Variants in LIPA observed in about 807,000 individuals in gnomAD.
LIPA encodes lysosomal acid lipase/cholesteryl ester hydrolase.
In LIPA, 26 loss-of-function variants were observed where a neutral mutation model predicts 40.6. The ratio of observed to expected loss-of-function variants is 0.64; its 90% CI spans 0.47 to 0.89. The LOEUF is 0.89. LIPA is among the 40% of genes least tolerant of loss of function. The pLI is 0.00. For synonymous variants in LIPA, 188 were observed against 168.4 expected (o/e 1.12, Z -0.90); for missense variants, 455 against 479.6 (o/e 0.95, Z 0.48).
At chr10:89,404,212 C>G (rs918566669) in intron 2 of LIPA, 1 of 152,520 alleles carries the variant, frequency 6.6e-6, no homozygotes, top group African/African-American at 2.4e-5. Context: ...AAACAAAGAA[C>G]AGAAGACTCA....
intron 1 of LIPA, among the ~76,000 whole-genome samples, chr10:89,293,146 A>T (rs1843385846): frequency 2.0e-5 from 3 of 152,134 alleles, no homozygotes. Context: ...GTGAGTTTTC[A>T]TGAGAGCTGA....
intron 2 of LIPA, chr10:89,403,602 C>T: frequency 6.2e-7 from 1 of 1,614,024 alleles, no homozygotes; most frequent in Non-Finnish European, 8.5e-7. Flanking sequence ...CTTGAGCCTC[C>T]TTGGGTTCGT....
chr10:89,407,687 A>G (rs1841434550), intron 2 of LIPA, among the ~76,000 whole-genome samples: 1 of 152,178 alleles, frequency 6.6e-6, no homozygotes, highest in South Asian at 2.1e-4. Flanking sequence ...ACATCTTTAT[A>G]GGACACAGGT....
At chr10:89,259,739 T>C (rs938116131) in intron 1 of LIPA, among the ~76,000 whole-genome samples, 1 of 152,214 alleles carries the variant, frequency 6.6e-6, no homozygotes, top group African/African-American at 2.4e-5. Flanking sequence ...CACAGCAACA[T>C]GAATGACTCT....
chr10:89,312,986 A>G (rs1055586047), intron 1 of LIPA, among the ~76,000 whole-genome samples: 1 of 152,036 alleles, frequency 6.6e-6, no homozygotes, highest in Non-Finnish European at 1.5e-5. Context: ...CATACCTAGA[A>G]TACACTCTAG....
chr10:89,245,821 G>T, intron 2 of LIPA, 28 bp from the exon 3 acceptor site: 1 of 1,126,452 alleles, frequency 8.9e-7, no homozygotes, highest in Non-Finnish European at 1.4e-6. Flanking sequence ...GATGGAAATT[G>T]GGTGGACAGA....
At chr10:89,222,068 A>T (rs1842705838) in intron 8 of LIPA, among the ~76,000 whole-genome samples, 1 of 152,178 alleles carries the variant, frequency 6.6e-6, no homozygotes, top group Non-Finnish European at 1.5e-5. Context: ...TTCCAAGCAT[A>T]TTGTGATCAG....
intron 1 of LIPA, among the ~76,000 whole-genome samples, chr10:89,331,243 G>T (rs1843646668): frequency 6.6e-6 from 1 of 152,136 alleles, no homozygotes. Context: ...CCCGATCATG[G>T]CTCACTGCAG....
chr10:89,227,298 T>A (rs1016803149), intron 4 of LIPA, among the ~76,000 whole-genome samples: 6 of 152,254 alleles, frequency 3.9e-5, no homozygotes, highest in Admixed American at 3.3e-4. Flanking sequence ...TCTGGCTTAA[T>A]CCATTTTTTG....
chr10:89,227,684 G>A (rs1842787559), intron 4 of LIPA, among the ~76,000 whole-genome samples: 1 of 152,292 alleles, frequency 6.6e-6, no homozygotes, highest in South Asian at 2.1e-4. Context: ...AGGTTCTGTG[G>A]AGGTTCCTTC....
intron 3 of LIPA, among the ~76,000 whole-genome samples, chr10:89,241,968 G>C (rs1266245906): frequency 1.3e-5 from 2 of 152,096 alleles, no homozygotes; most frequent in Non-Finnish European, 2.9e-5. Flanking sequence ...ATTTGAACCT[G>C]GCTGTCTTAT....
At chr10:89,315,835 TAGTAA>T (rs1843538575) in intron 1 of LIPA, among the ~76,000 whole-genome samples, 1 of 152,148 alleles carries the variant, frequency 6.6e-6, no homozygotes, top group Non-Finnish European at 1.5e-5. Flanking sequence ...ATTCGAGAAC[TAGTAA>T]AGTAAACAGA....
intron 1 of LIPA, among the ~76,000 whole-genome samples, chr10:89,273,972 G>T (rs1284664764): frequency 6.6e-6 from 1 of 152,170 alleles, no homozygotes; most frequent in Non-Finnish European, 1.5e-5. Flanking sequence ...TTGATACATA[G>T]ACCATACTGC....
intron 2 of LIPA, chr10:89,392,524 G>C (rs770013175): frequency 2.8e-4 from 89 of 322,644 alleles, no homozygotes; most frequent in Middle Eastern, 1.6e-3. Context: ...TTCCCCTTTC[G>C]GTTTCCCTAG....
intron 1 of LIPA, among the ~76,000 whole-genome samples, chr10:89,275,707 T>C (rs779745717): frequency 6.6e-6 from 1 of 152,232 alleles, no homozygotes; most frequent in Non-Finnish European, 1.5e-5. Context: ...AGAAAACTAG[T>C]GATCTACTTT....
At chr10:89,288,237 T>C (rs1328241661) in intron 1 of LIPA, among the ~76,000 whole-genome samples, 1 of 152,170 alleles carries the variant, frequency 6.6e-6, no homozygotes, top group African/African-American at 2.4e-5. Context: ...ACTGCTTTCC[T>C]TCCTAGGCAT....
chr10:89,331,453 G>T (rs907042501), intron 1 of LIPA, among the ~76,000 whole-genome samples: 3 of 152,148 alleles, frequency 2.0e-5, no homozygotes, highest in Admixed American at 2.0e-4. Context: ...GATTACAGGC[G>T]TGAGCCTCCG....
At chr10:89,237,272 C>T (rs1842916385) in intron 3 of LIPA, among the ~76,000 whole-genome samples, 2 of 152,152 alleles carry the variant, frequency 1.3e-5, no homozygotes, top group East Asian at 3.9e-4. Flanking sequence ...GAGCAAGATG[C>T]TGTCTCTAAA....
At chr10:89,359,808 C>A (rs1445813420) in intron 2 of LIPA, among the ~76,000 whole-genome samples, 1 of 145,762 alleles carries the variant, frequency 6.9e-6, no homozygotes, top group African/African-American at 2.6e-5. Flanking sequence ...ATCTCTCTCT[C>A]TCTCTCTCAC....
Sources: allele counts gnomAD v4.1 joint callset (sites outside exome capture counted in the v4.1 genomes callset), GRCh38; gene constraint gnomAD v4.1.1; transcripts MANE v1.5; gene names NCBI Gene and HGNC (gene_info 2026-07-23, HGNC 2026-07-21).